Variants in NBPF12 observed in about 807,000 individuals in gnomAD.
NBPF12 encodes the protein NBPF member 12.
A neutral mutation model predicts 146.4 loss-of-function variants in NBPF12; 115 were observed. The observed-to-expected ratio is 0.79, with a 90% confidence interval of 0.68 to 0.92. The LOEUF is 0.92. Among genes scored for constraint, NBPF12 ranks in the 40% least tolerant of loss-of-function variants. The probability of loss-of-function intolerance (pLI) is 0.00; values close to 1 mark genes in which losing one functional copy is unlikely to be tolerated. For missense variants in NBPF12, 1,205 were observed against 1,326.8 expected (o/e 0.91, Z 1.43); for synonymous variants, 385 against 508.9 (o/e 0.76, Z 3.28).
intron 14 of NBPF12, among the ~76,000 whole-genome samples, chr1:146,973,190 T>C (rs1299179113): frequency 4.3e-4 from 46 of 107,874 alleles, no homozygotes; most frequent in Non-Finnish European, 6.4e-4. Flanking sequence ...TAAACTGCCA[T>C]TTATTGATTT....
At chr1:146,960,287 C>T (rs1299856816) in exon 4 of NBPF12, 21 of 1,331,388 alleles carry the variant, frequency 1.6e-5, no homozygotes, top group African/African-American at 4.3e-5. Context: ...CTCAACTGGC[C>T]GGCTTCCTGG....
chr1:146,966,388 A>T, intron 8 of NBPF12, 76 bp from the exon 12 acceptor site: 1 of 1,198,966 alleles, frequency 8.3e-7, no homozygotes, highest in Non-Finnish European at 1.2e-6. Context: ...TGCCAGTGAC[A>T]TCCCTCAGTC....
chr1:146,955,013 T>G (rs1172495733), intron 2 of NBPF12, among the ~76,000 whole-genome samples: 9 of 67,432 alleles, frequency 1.3e-4, no homozygotes, highest in South Asian at 5.1e-4. Context: ...TATATATATA[T>G]ACACACACAC....
chr1:146,965,598 C>T (rs1553885519), intron 8 of NBPF12, among the ~76,000 whole-genome samples: 27 of 142,972 alleles, frequency 1.9e-4, no homozygotes, highest in African/African-American at 6.9e-4. Context: ...CTGGCTAACA[C>T]GGTGAAACCC....
intron 1 of NBPF12, among the ~76,000 whole-genome samples, chr1:146,950,571 C>T (rs1483019816): frequency 6.6e-6 from 1 of 151,790 alleles, no homozygotes; most frequent in Non-Finnish European, 1.5e-5. Flanking sequence ...CCTCTGGGCT[C>T]TCTGCTCTGC....
At chr1:146,956,008 T>G (rs1655570324) in intron 2 of NBPF12, among the ~76,000 whole-genome samples, 1 of 151,842 alleles carries the variant, frequency 6.6e-6, no homozygotes, top group Non-Finnish European at 1.5e-5. Flanking sequence ...TCTTAATATT[T>G]AATTGAACCA....
intron 29 of NBPF12, among the ~76,000 whole-genome samples, chr1:146,990,815 G>C (rs1658096690): frequency 1.0e-5 from 1 of 100,460 alleles, no homozygotes; most frequent in South Asian, 3.3e-4. Context: ...ACTGTTCGCT[G>C]TGTGTCCCGA....
chr1:146,980,378 A>G (rs1423362341), intron 19 of NBPF12, among the ~76,000 whole-genome samples: 3 of 151,790 alleles, frequency 2.0e-5, no homozygotes, highest in Non-Finnish European at 2.9e-5. Context: ...TGGTTATTTC[A>G]CCCGTTAGTT....
intron 1 of NBPF12, among the ~76,000 whole-genome samples, chr1:146,949,766 C>A (rs1300899739): frequency 2.0e-5 from 3 of 151,452 alleles, no homozygotes; most frequent in African/African-American, 7.3e-5. Context: ...ACTGAGGGCC[C>A]TTTTTCTGTG....
At chr1:146,972,157 G>A (rs1353280837) in intron 13 of NBPF12, among the ~76,000 whole-genome samples, 1 of 150,508 alleles carries the variant, frequency 6.6e-6, no homozygotes, top group Non-Finnish European at 1.5e-5. Context: ...CACTTTGGGA[G>A]GCGGAGGTAG....
At chr1:146,946,962 G>T (rs879183700), upstream of NBPF12, among the ~76,000 whole-genome samples, 2 of 151,738 alleles carry the variant, frequency 1.3e-5, no homozygotes, top group African/African-American at 4.9e-5. Context: ...TGTCTCTAAA[G>T]CTCCATGGAA....
intron 17 of NBPF12, 58 bp downstream of exon 20, chr1:146,977,059 A>G: frequency 1.5e-6 from 1 of 665,822 alleles, no homozygotes; most frequent in Non-Finnish European, 2.7e-6. Flanking sequence ...AATATCTAGG[A>G]GGCACACCCT....
At chr1:146,954,472 G>C (rs1655474381) in intron 2 of NBPF12, among the ~76,000 whole-genome samples, 1 of 136,596 alleles carries the variant, frequency 7.3e-6, no homozygotes, top group Non-Finnish European at 1.6e-5. Context: ...AAATTGCTTT[G>C]AGAAATTATG....
chr1:146,976,347 G>A, intron 16 of NBPF12, among the ~76,000 whole-genome samples: 1 of 140,742 alleles, frequency 7.1e-6, no homozygotes. Flanking sequence ...TTCAAATGTG[G>A]GAACACTTAC....
At chr1:146,963,684 G>T (rs1234065914) in intron 6 of NBPF12, among the ~76,000 whole-genome samples, 1 of 151,728 alleles carries the variant, frequency 6.6e-6, no homozygotes, top group African/African-American at 2.4e-5. Context: ...GTGAGTGAGT[G>T]ATTTATCTTT....
chr1:146,946,512 C>CTTTTTTTTTTTTTTTTTTTTTTTTTG (rs1655075931), upstream of NBPF12, among the ~76,000 whole-genome samples: 1 of 40,998 alleles, frequency 2.4e-5, no homozygotes, highest in Admixed American at 3.6e-4. Flanking sequence ...GATCTTTCAC[C>CTTTTTTTTTTTTTTTTTTTTTTTTTG]TTTTTTTTTT....
At chr1:146,955,965 T>C (rs1481185520) in intron 2 of NBPF12, among the ~76,000 whole-genome samples, 1 of 150,700 alleles carries the variant, frequency 6.6e-6, no homozygotes, top group African/African-American at 2.4e-5. Context: ...TTCCAGCCTT[T>C]GTATAAGGGC....
At chr1:146,996,071 C>T (rs1658521916) in exon 34 of NBPF12, 1 of 137,720 alleles carries the variant, frequency 7.3e-6, no homozygotes, top group Middle Eastern at 3.5e-3. Context: ...TTAATCTATA[C>T]AATTAAAACC....
upstream of NBPF12, among the ~76,000 whole-genome samples, chr1:146,947,074 T>G (rs1414121697): frequency 1.6e-4 from 24 of 151,844 alleles, no homozygotes; most frequent in African/African-American, 5.6e-4. Context: ...ACTATTTGGG[T>G]TACTGTAGCT....
Sources: gnomAD v4.1 joint callset for allele counts (sites outside exome capture counted in the v4.1 genomes callset) on GRCh38, gnomAD v4.1.1 for gene constraint, MANE v1.5 for transcripts, NCBI Gene and HGNC (gene_info 2026-07-23, HGNC 2026-07-21) for gene names.